ATG10: variants seen among roughly 807,000 people sequenced by gnomAD.
ATG10 encodes autophagy related 10.
Under a neutral mutation model 32.1 loss-of-function variants are expected in ATG10, and 30 were observed. The ratio of observed to expected loss-of-function variants is 0.94; its 90% CI spans 0.70 to 1.27. The LOEUF (loss-of-function observed/expected upper bound fraction) is 1.27, where lower values mean the gene tolerates loss of function less well. Ranked by LOEUF, ATG10 falls within the 50% of genes most tolerant of loss-of-function variation. ATG10 has a pLI of 0.00. For missense variants in ATG10, 233 were observed against 262.3 expected (o/e 0.89, Z 0.77); for synonymous variants, 87 against 91.5 (o/e 0.95, Z 0.28).
chr5:81,987,495 A>T, intron 1 of ATG10, 64 bp from the exon 2 acceptor site: 1 of 1,210,288 alleles, frequency 8.3e-7, no homozygotes, highest in Non-Finnish European at 1.2e-6. Flanking sequence ...AAATAAATCA[A>T]TTGGCAGAAT....
intron 2 of ATG10, among the ~76,000 whole-genome samples, chr5:81,998,447 A>G (rs1422773400): frequency 6.6e-6 from 1 of 152,252 alleles, no homozygotes; most frequent in African/African-American, 2.4e-5. Context: ...TTAAGTACAT[A>G]GACCAGTGAC....
intron 3 of ATG10, among the ~76,000 whole-genome samples, chr5:82,103,705 G>A (rs993601627): frequency 4.6e-5 from 7 of 152,062 alleles, no homozygotes; most frequent in African/African-American, 1.7e-4. Context: ...AGTTATGAAT[G>A]TATGCCTTGG....
Position 82,139,221 on chromosome 5 carries a change from G to A in ATG10, c.217-25178G>A, listed in dbSNP as rs1048810111. On this transcript the variant is annotated intron_variant, in intron 3 of 7. Transcript: ENST00000282185. ...CTACACCTCCCAGCCGCCTGCCTTG[G>A]CCTCCCAAAGTGCCGAGATTGCAGC... Among the ~76,000 whole-genome samples, 3 of 146,406 alleles carry A rather than the reference G, an allele frequency of 2.0e-5. No homozygotes were observed. The East Asian group carries it at 6.0e-4, about 29-fold the overall frequency.
chr5:82,175,865 G>A (rs1743994865), intron 4 of ATG10, among the ~76,000 whole-genome samples: 1 of 151,412 alleles, frequency 6.6e-6, no homozygotes, highest in African/African-American at 2.4e-5. Context: ...TGTGTTTATT[G>A]TTTATTTTCA....
At chr5:82,039,245 A>G (rs752380917) in intron 2 of ATG10, among the ~76,000 whole-genome samples, 1 of 152,230 alleles carries the variant, frequency 6.6e-6, no homozygotes, top group Admixed American at 6.5e-5. Flanking sequence ...TAGGGATAGA[A>G]TGTTACATAG....
intron 3 of ATG10, among the ~76,000 whole-genome samples, chr5:82,085,809 T>A (rs966881969): frequency 6.6e-6 from 1 of 152,184 alleles, no homozygotes; most frequent in African/African-American, 2.4e-5. Context: ...TTTTCTATTT[T>A]TATTGAAAAG....
intron 3 of ATG10, among the ~76,000 whole-genome samples, chr5:82,157,168 C>T (rs942317034): frequency 1.3e-5 from 2 of 152,082 alleles, no homozygotes; most frequent in Non-Finnish European, 2.9e-5. Context: ...TGGGAACCCA[C>T]GTTGGCCATG....
chr5:82,061,345 A>G (rs545515530), intron 3 of ATG10, among the ~76,000 whole-genome samples: 42 of 48,410 alleles, frequency 8.7e-4, no homozygotes, highest in Non-Finnish European at 2.4e-4. Flanking sequence ...AGATTTTCTT[A>G]GAATGTTTTT....
intron 3 of ATG10, among the ~76,000 whole-genome samples, chr5:82,125,785 A>T (rs1766247551): frequency 6.6e-6 from 1 of 152,098 alleles, no homozygotes; most frequent in African/African-American, 2.4e-5. Context: ...TATGAAATTT[A>T]AAGTAGTTTT....
intron 5 of ATG10, among the ~76,000 whole-genome samples, chr5:82,248,866 A>T (rs1747135535): frequency 6.6e-6 from 1 of 151,748 alleles, no homozygotes; most frequent in Non-Finnish European, 1.5e-5. Context: ...TTAAACTTTT[A>T]ATTTTTAAAG....
intron 2 of ATG10, among the ~76,000 whole-genome samples, chr5:82,025,265 C>A (rs1762561272): frequency 6.6e-6 from 1 of 152,144 alleles, no homozygotes; most frequent in African/African-American, 2.4e-5. Flanking sequence ...TAAAAATGTA[C>A]ATAAGTCATA....
At chr5:82,217,054 C>CAAA (rs144022531) in intron 5 of ATG10, among the ~76,000 whole-genome samples, 8 of 144,198 alleles carry the variant, frequency 5.5e-5, no homozygotes, top group Non-Finnish European at 1.1e-4. Flanking sequence ...GACTCAGTCT[C>CAAA]AAAAAAAAAA....
intron 2 of ATG10, among the ~76,000 whole-genome samples, chr5:82,046,163 G>T (rs951725776): frequency 6.6e-6 from 1 of 152,120 alleles, no homozygotes; most frequent in African/African-American, 2.4e-5. Context: ...GTGGGGCTGC[G>T]TTTCTCCTAC....
chr5:82,234,960 A>G (rs1358566658), intron 5 of ATG10, among the ~76,000 whole-genome samples: 2 of 152,180 alleles, frequency 1.3e-5, no homozygotes, highest in Non-Finnish European at 2.9e-5. Flanking sequence ...TGTAGCCCAT[A>G]GTATGTTTGT....
intron 3 of ATG10, among the ~76,000 whole-genome samples, chr5:82,063,870 T>C (rs903935228): frequency 3.3e-5 from 5 of 152,094 alleles, no homozygotes; most frequent in Admixed American, 6.6e-5. Flanking sequence ...GAAAAATAAC[T>C]AATGGGTAAT....
At chr5:82,165,117 A>G (rs1743523586) in intron 4 of ATG10, among the ~76,000 whole-genome samples, 1 of 152,182 alleles carries the variant, frequency 6.6e-6, no homozygotes, top group South Asian at 2.1e-4. Flanking sequence ...CTTAGCTAAT[A>G]AAGCTTATTT....
At chr5:82,247,336 T>C (rs1275469242) in intron 5 of ATG10, among the ~76,000 whole-genome samples, 1 of 152,184 alleles carries the variant, frequency 6.6e-6, no homozygotes, top group Non-Finnish European at 1.5e-5. Context: ...ATTTTTTTTC[T>C]CTTTTCTTCA....
rs35513819 is a variant in ATG10 at position 82,190,773 on chromosome 5, C to CAA, written c.453+12216_453+12217dup. Among the ~76,000 whole-genome samples, 522 of 53,716 alleles carry CAA rather than the reference C, an allele frequency of 9.7e-3. 44 individuals are homozygous for CAA. Among genetic ancestry groups the CAA allele is most frequent in the Non-Finnish European group, 0.014 (420 of 30,752 alleles). The allele number at this position is 53,716 out of a possible 152,430, so 35.2% of individuals were successfully genotyped here. On this transcript the variant is annotated intron_variant, in intron 5 of 7. Transcript: ENST00000282185. ...TGGGCAACAGAGTGAGACTCCATCT[C>CAA]AAAAAAAAAAAAAAAAAAAAAAAAA...
intron 5 of ATG10, among the ~76,000 whole-genome samples, chr5:82,239,941 G>A (rs1168829717): frequency 6.6e-6 from 1 of 152,056 alleles, no homozygotes; most frequent in Non-Finnish European, 1.5e-5. Context: ...CTAATCCTCA[G>A]GGAAATACAA....
Sources: allele counts gnomAD v4.1 joint callset (sites outside exome capture counted in the v4.1 genomes callset), GRCh38; gene constraint gnomAD v4.1.1; transcripts MANE v1.5; gene names NCBI Gene and HGNC (gene_info 2026-07-23, HGNC 2026-07-21).